The following CGNL1 variants were observed in gnomAD, a reference collection of about 807,000 sequenced individuals.
The protein encoded by CGNL1 is cingulin-like protein 1.
CGNL1 carries 132 observed loss-of-function variants against 141.2 expected under a neutral mutation model. The observed-to-expected ratio is 0.93, with a 90% CI of 0.81 to 1.08. The LOEUF (loss-of-function observed/expected upper bound fraction) is 1.08. Ranked by LOEUF, CGNL1 falls within the 50% of genes least tolerant of loss-of-function variation. The pLI, the probability that CGNL1 is intolerant of heterozygous loss-of-function variation, is 0.00. For missense variants in CGNL1, 1,870 were observed against 1,588.6 expected (o/e 1.18, Z -3.01); for synonymous variants, 690 against 622.1 (o/e 1.11, Z -1.63).
intron 7 of CGNL1, among the ~76,000 whole-genome samples, chr15:57,455,024 TAAG>T (rs1301370947): frequency 6.6e-6 from 1 of 152,202 alleles, no homozygotes; most frequent in Non-Finnish European, 1.5e-5. Context: ...ATATATAATA[TAAG>T]GACAATCATA....
intron 7 of CGNL1, among the ~76,000 whole-genome samples, chr15:57,454,645 G>C (rs1470500006): frequency 6.6e-6 from 1 of 152,096 alleles, no homozygotes; most frequent in Non-Finnish European, 1.5e-5. Context: ...TGGCAGAGGA[G>C]GGTGATTGCC....
chr15:57,384,672 A>C (rs1664463), intron 1 of CGNL1, among the ~76,000 whole-genome samples: 151,643 of 152,324 alleles, frequency 1, 75,491 homozygotes, highest in Middle Eastern at 1. Context: ...CATAAACTTT[A>C]TTTTCTTTCT....
chr15:57,494,218 A>G (rs2063905395), intron 8 of CGNL1, among the ~76,000 whole-genome samples: 1 of 152,222 alleles, frequency 6.6e-6, no homozygotes, highest in African/African-American at 2.4e-5. Flanking sequence ...TACTATTCTC[A>G]AGGTATAGCC....
chr15:57,431,744 A>G (rs76878625), intron 1 of CGNL1, among the ~76,000 whole-genome samples: 2 of 137,970 alleles, frequency 1.4e-5, no homozygotes, highest in Non-Finnish European at 3.2e-5. Context: ...TTTTTTTTTT[A>G]AACCTCATCA....
chr15:57,526,684 A>C (rs2031635885), intron 12 of CGNL1, among the ~76,000 whole-genome samples: 1 of 152,174 alleles, frequency 6.6e-6, no homozygotes, highest in African/African-American at 2.4e-5. Flanking sequence ...TAAAGGTAGC[A>C]CTAGGAAGTT....
intron 8 of CGNL1, among the ~76,000 whole-genome samples, chr15:57,482,174 T>C (rs1192435966): frequency 6.6e-6 from 1 of 152,172 alleles, no homozygotes; most frequent in Non-Finnish European, 1.5e-5. Flanking sequence ...ATATGAGCAC[T>C]TTGTCAAATA....
intron 8 of CGNL1, among the ~76,000 whole-genome samples, chr15:57,462,623 G>A (rs2063461705): frequency 6.6e-6 from 1 of 152,174 alleles, no homozygotes; most frequent in Non-Finnish European, 1.5e-5. Flanking sequence ...GGTTAAAAAT[G>A]ATGAAGAAAG....
intron 8 of CGNL1, among the ~76,000 whole-genome samples, chr15:57,505,646 A>G (rs752230376): frequency 2.0e-5 from 3 of 152,190 alleles, no homozygotes; most frequent in Non-Finnish European, 4.4e-5. Flanking sequence ...CGCTTGTAGC[A>G]GTCTTGGCCC....
chr15:57,460,022 C>T (rs1489482193), intron 7 of CGNL1, among the ~76,000 whole-genome samples: 1 of 152,040 alleles, frequency 6.6e-6, no homozygotes, highest in East Asian at 1.9e-4. Flanking sequence ...CAAAAATGAG[C>T]TTGCTAAAAG....
intron 7 of CGNL1, among the ~76,000 whole-genome samples, chr15:57,457,028 G>A (rs1385532211): frequency 2.0e-5 from 3 of 152,168 alleles, no homozygotes; most frequent in Admixed American, 2.0e-4. Context: ...AAAATACCAT[G>A]ATTCTCACCA....
At chr15:57,538,424 A>C (rs1282942532) in intron 14 of CGNL1, among the ~76,000 whole-genome samples, 1 of 152,158 alleles carries the variant, frequency 6.6e-6, no homozygotes. Flanking sequence ...TTCCATTTTA[A>C]TAGCCATCTT....
At chr15:57,543,810 CCGT>C (rs776340242) in intron 15 of CGNL1, 31 bp downstream of exon 15, 1 of 1,539,286 alleles carries the variant, frequency 6.5e-7, no homozygotes, top group South Asian at 1.1e-5. Context: ...AGCTGCCCCC[CCGT>C]CCATCCGCTA....
At chr15:57,429,245 T>C (rs2063015640) in intron 1 of CGNL1, among the ~76,000 whole-genome samples, 1 of 152,216 alleles carries the variant, frequency 6.6e-6, no homozygotes, top group African/African-American at 2.4e-5. Flanking sequence ...CTGAGAAATC[T>C]AAGAAGACTC....
chr15:57,480,733 A>T (rs1356881308), intron 8 of CGNL1, among the ~76,000 whole-genome samples: 4 of 152,100 alleles, frequency 2.6e-5, no homozygotes, highest in Non-Finnish European at 1.5e-5. Context: ...ATATTCATTA[A>T]AAAAAATTGT....
intron 1 of CGNL1, among the ~76,000 whole-genome samples, chr15:57,409,630 G>C (rs181534347): frequency 6.6e-6 from 1 of 152,160 alleles, no homozygotes; most frequent in African/African-American, 2.4e-5. Context: ...TTGTGTGAAA[G>C]GGGGAGGGAG....
intron 9 of CGNL1, 145 bp downstream of exon 9, chr15:57,517,131 C>G: frequency 1.2e-6 from 1 of 802,140 alleles, no homozygotes; most frequent in South Asian, 1.8e-5. Flanking sequence ...TCTCTGCAAG[C>G]CATTTCTTTG....
intron 4 of CGNL1, among the ~76,000 whole-genome samples, chr15:57,446,464 A>C (rs2063252783): frequency 6.6e-6 from 1 of 152,126 alleles, no homozygotes; most frequent in South Asian, 2.1e-4. Flanking sequence ...AAAATTTTAC[A>C]ATATGTATTA....
At chr15:57,518,078 G>C (rs2030965276) in intron 9 of CGNL1, among the ~76,000 whole-genome samples, 1 of 151,792 alleles carries the variant, frequency 6.6e-6, no homozygotes, top group African/African-American at 2.4e-5. Context: ...GAGGTGGGAG[G>C]GAGGATCACT....
intron 1 of CGNL1, among the ~76,000 whole-genome samples, chr15:57,418,550 G>C (rs186681243): frequency 1.3e-5 from 2 of 152,254 alleles, no homozygotes; most frequent in East Asian, 3.9e-4. Flanking sequence ...ATGGCAGTTT[G>C]CTGTATTTTT....
Sources: allele counts gnomAD v4.1 joint callset (sites outside exome capture counted in the v4.1 genomes callset), GRCh38; gene constraint gnomAD v4.1.1; transcripts MANE v1.5; gene names NCBI Gene and HGNC (gene_info 2026-07-23, HGNC 2026-07-21).